BRINP1: variants seen among roughly 807,000 people sequenced by gnomAD.
BRINP1 encodes the protein BMP/retinoic acid inducible neural specific 1, also known as BMP/retinoic acid-inducible neural-specific protein 1.
Under a neutral mutation model 72.9 loss-of-function variants are expected in BRINP1, and 17 were observed. That is an observed-to-expected ratio of 0.23 (90% CI 0.16 to 0.35). The LOEUF is 0.35. Ranked by LOEUF, BRINP1 falls within the 10% of genes least tolerant of loss-of-function variation. The pLI, the probability that BRINP1 is intolerant of heterozygous loss-of-function variation, is 1.00. For missense variants in BRINP1, 850 were observed against 1,001.6 expected (o/e 0.85, Z 2.04); for synonymous variants, 418 against 378.5 (o/e 1.10, Z -1.21).
chr9:119,233,391 T>A (rs2118901184), intron 5 of BRINP1, among the ~76,000 whole-genome samples: 1 of 152,142 alleles, frequency 6.6e-6, no homozygotes, highest in East Asian at 1.9e-4. Flanking sequence ...AAAAACAAGT[T>A]AAAAATATAC....
At chr9:119,347,812 T>A (rs985177594) in intron 1 of BRINP1, among the ~76,000 whole-genome samples, 3 of 152,172 alleles carry the variant, frequency 2.0e-5, no homozygotes, top group African/African-American at 4.8e-5. Context: ...TTATTTTTTT[T>A]AAGACATTTT....
intron 7 of BRINP1, among the ~76,000 whole-genome samples, chr9:119,169,392 A>T (rs1281001699): frequency 6.7e-6 from 1 of 148,474 alleles, no homozygotes; most frequent in African/African-American, 2.6e-5. Flanking sequence ...AAATCGGGTC[A>T]CTCCCCCACC....
intron 6 of BRINP1, among the ~76,000 whole-genome samples, chr9:119,212,729 ATATGT>A (rs1829942224): frequency 1.3e-5 from 2 of 152,202 alleles, no homozygotes; most frequent in Non-Finnish European, 2.9e-5. Context: ...AGCACATATT[ATATGT>A]TAAGTACCTG....
chr9:119,230,993 T>C (rs1830144248), intron 5 of BRINP1, among the ~76,000 whole-genome samples: 1 of 152,012 alleles, frequency 6.6e-6, no homozygotes, highest in South Asian at 2.1e-4. Flanking sequence ...CCTCACTCAA[T>C]TTTTCAGGGG....
chr9:119,302,864 G>C (rs1830953097), intron 2 of BRINP1, among the ~76,000 whole-genome samples: 1 of 151,626 alleles, frequency 6.6e-6, no homozygotes, highest in Non-Finnish European at 1.5e-5. Context: ...CTCATACTAG[G>C]GGTCGATTTG....
In BRINP1 at chr9:119,208,739, G is replaced by T; in HGVS notation, c.1125C>A (p.Asn375Lys). ...GLSVRCRHNP[N>K]HQLPRERTIQ... ...CTTACCTCTCTCTAGGCAGCTGGTG[G>T]TTGGGATTGTGGCGACAGCGTACAC... Residue 375 changes from asparagine to lysine, a missense_variant, in exon 7 of 8, where the codon AAC (asparagine) becomes AAA (lysine). By Grantham distance (94) the Asn-to-Lys change is moderately conservative. Transcript: ENST00000265922. The T allele has an allele frequency of 6.2e-7, 1 of 1,613,228 alleles. No individual in the cohort carries two copies.
intron 2 of BRINP1, among the ~76,000 whole-genome samples, chr9:119,294,797 AGTGAGCC>A (rs893856717): frequency 1.4e-5 from 2 of 147,750 alleles, no homozygotes; most frequent in Admixed American, 7.0e-5. Flanking sequence ...TGGAGGTTGC[AGTGAGCC>A]GAGATCACAC....
intron 3 of BRINP1, among the ~76,000 whole-genome samples, chr9:119,243,905 A>C (rs1830286269): frequency 6.6e-6 from 1 of 152,230 alleles, no homozygotes; most frequent in African/African-American, 2.4e-5. Context: ...TGCAACGCAG[A>C]CCAGAGAAAG....
At chr9:119,299,597 G>T (rs568518276) in intron 2 of BRINP1, among the ~76,000 whole-genome samples, 1 of 150,404 alleles carries the variant, frequency 6.6e-6, no homozygotes, top group Non-Finnish European at 1.5e-5. Context: ...TGGGTGACAC[G>T]GCGAGACTCC....
At chr9:119,298,864 T>C (rs1287903983) in intron 2 of BRINP1, among the ~76,000 whole-genome samples, 1 of 152,192 alleles carries the variant, frequency 6.6e-6, no homozygotes, top group Non-Finnish European at 1.5e-5. Flanking sequence ...CTTTCTTTTG[T>C]ATCCAACTTA....
At chr9:119,268,247 A>AATAGATAGATAGATAG (rs61056780) in intron 2 of BRINP1, among the ~76,000 whole-genome samples, 1 of 95,506 alleles carries the variant, frequency 1.0e-5, no homozygotes, top group African/African-American at 2.8e-5. Context: ...TGTCTCAATA[A>AATAGATAGATAGATAG]ATAGATAGAT....
intron 2 of BRINP1, among the ~76,000 whole-genome samples, chr9:119,271,261 G>A (rs1412778971): frequency 2.0e-5 from 3 of 151,232 alleles, no homozygotes; most frequent in African/African-American, 7.3e-5. Context: ...GGGAAACGAT[G>A]AGTGTAAATG....
intron 2 of BRINP1, among the ~76,000 whole-genome samples, chr9:119,263,598 ATTCT>A (rs1223462074): frequency 3.9e-5 from 2 of 51,724 alleles, no homozygotes; most frequent in African/African-American, 1.2e-4. Context: ...CCAGTAAACA[ATTCT>A]TTTTTTTTTT....
intron 2 of BRINP1, among the ~76,000 whole-genome samples, chr9:119,294,594 G>A (rs1026482017): frequency 6.6e-6 from 1 of 151,892 alleles, no homozygotes; most frequent in Non-Finnish European, 1.5e-5. Flanking sequence ...GGCTGGGTGC[G>A]GTGGCTTACA....
intron 1 of BRINP1, among the ~76,000 whole-genome samples, chr9:119,351,802 C>T (rs1227297256): frequency 1.3e-5 from 2 of 148,918 alleles, no homozygotes; most frequent in Admixed American, 1.4e-4. Context: ...TTGCTTTTTT[C>T]TCTTTTTATT....
At chr9:119,207,410 T>A (rs1368203206) in intron 7 of BRINP1, among the ~76,000 whole-genome samples, 1 of 152,194 alleles carries the variant, frequency 6.6e-6, no homozygotes, top group African/African-American at 2.4e-5. Flanking sequence ...ACTTAAAAAA[T>A]AATGGCAAAA....
intron 3 of BRINP1, among the ~76,000 whole-genome samples, chr9:119,246,839 C>G (rs1042368757): frequency 3.9e-5 from 6 of 152,174 alleles, no homozygotes; most frequent in Non-Finnish European, 8.8e-5. Flanking sequence ...AACAATAAAT[C>G]TCTTTGCCTT....
intron 7 of BRINP1, among the ~76,000 whole-genome samples, chr9:119,207,338 A>T (rs1275158793): frequency 1.3e-5 from 2 of 152,214 alleles, no homozygotes; most frequent in Non-Finnish European, 2.9e-5. Flanking sequence ...TGATTTATAG[A>T]TTTATTAAAG....
chr9:119,184,921 A>T (rs1022829256), intron 7 of BRINP1, among the ~76,000 whole-genome samples: 1 of 152,190 alleles, frequency 6.6e-6, no homozygotes, highest in African/African-American at 2.4e-5. Context: ...TGAGTGAGAA[A>T]AGGAAATAAT....
Sources: allele counts gnomAD v4.1 joint callset (sites outside exome capture counted in the v4.1 genomes callset), GRCh38; gene constraint gnomAD v4.1.1; transcripts MANE v1.5; gene names NCBI Gene and HGNC (gene_info 2026-07-23, HGNC 2026-07-21).